NME7: variants seen among roughly 807,000 people sequenced by gnomAD.
The protein encoded by NME7 is NME/NM23 family member 7.
In NME7, 41 loss-of-function variants were observed where a neutral mutation model predicts 49.1. The observed-to-expected ratio is 0.83, with a 90% CI of 0.65 to 1.08. NME7 has a LOEUF of 1.08. Ranked by LOEUF, NME7 falls within the 50% of genes least tolerant of loss-of-function variation. The pLI is 0.00. For synonymous variants in NME7, 139 were observed against 150.6 expected (o/e 0.92, Z 0.56); for missense variants, 423 against 463.4 (o/e 0.91, Z 0.80).
intron 1 of NME7, among the ~76,000 whole-genome samples, chr1:169,346,678 C>T (rs912078395): frequency 1.3e-5 from 2 of 152,110 alleles, no homozygotes; most frequent in African/African-American, 4.8e-5. Flanking sequence ...CATATCTGCC[C>T]CAAAAGAATG....
intron 10 of NME7, among the ~76,000 whole-genome samples, chr1:169,224,385 A>G (rs1661238167): frequency 6.6e-6 from 1 of 152,166 alleles, no homozygotes; most frequent in South Asian, 2.1e-4. Flanking sequence ...CTAAAACCCC[A>G]TACTAGGTTG....
intron 11 of NME7, among the ~76,000 whole-genome samples, chr1:169,139,656 A>G (rs1172198023): frequency 6.6e-6 from 1 of 152,252 alleles, no homozygotes; most frequent in Non-Finnish European, 1.5e-5. Flanking sequence ...AATAAATATC[A>G]CTATTATTGG....
intron 1 of NME7, among the ~76,000 whole-genome samples, chr1:169,342,128 C>A (rs1161104910): frequency 6.6e-6 from 1 of 152,104 alleles, no homozygotes; most frequent in Admixed American, 6.5e-5. Flanking sequence ...CCACCCAAAT[C>A]TCATTTCGAA....
chr1:169,315,122 TGATA>T (rs1230291204), intron 3 of NME7, among the ~76,000 whole-genome samples: 1 of 152,098 alleles, frequency 6.6e-6, no homozygotes, highest in Admixed American at 6.6e-5. Context: ...CCTTGGCAAT[TGATA>T]GAATAAGCTG....
intron 1 of NME7, 81 bp from the exon 2 acceptor site, chr1:169,324,581 C>T: frequency 1.2e-6 from 1 of 833,902 alleles, no homozygotes; most frequent in Non-Finnish European, 1.9e-6. Context: ...AATGAAATTA[C>T]CAATATGCAA....
At chr1:169,223,916 C>T (rs1488373607) in intron 10 of NME7, among the ~76,000 whole-genome samples, 1 of 152,048 alleles carries the variant, frequency 6.6e-6, no homozygotes, top group African/African-American at 2.4e-5. Flanking sequence ...AATTTCAATT[C>T]GAACACAAAG....
At position 169,258,421 on chromosome 1, in the gene NME7, CACAT is replaced by C. The variant is rs1301610485; in HGVS notation, c.755-20738_755-20735del. Among the ~76,000 whole-genome samples, 7 of 102,574 alleles carry C rather than the reference CACAT, an allele frequency of 6.8e-5. 1 individual carries two copies. Among genetic ancestry groups the C allele is most frequent in the African/African-American group, 2.4e-4 (7 of 29,412 alleles). 67.3% of individuals were successfully genotyped at this position (102,574 alleles called of 152,430 possible). On this transcript the variant is annotated intron_variant, in intron 7 of 11. Coordinates refer to ENST00000367811, the MANE Select transcript of NME7 (RefSeq NM_013330.5). Reference sequence around the variant, plus strand: ...ATATATATATACACACACACACACACACATACACACACACATATATCTTCTCATT... The same window carrying C: ...ATATATATATACACACACACACACACACACACACACATATATCTTCTCATT...
intron 11 of NME7, among the ~76,000 whole-genome samples, chr1:169,143,273 CT>C (rs71299493): frequency 0.028 from 2,711 of 98,184 alleles, 60 homozygotes; most frequent in African/African-American, 0.081. Flanking sequence ...TCACCTCAGG[CT>C]TTTTTTTTTT....
chr1:169,289,484 G>A (rs1047412890), intron 6 of NME7, among the ~76,000 whole-genome samples: 2 of 152,076 alleles, frequency 1.3e-5, no homozygotes, highest in African/African-American at 4.8e-5. Context: ...TAAGTAACAA[G>A]CCCTTACAAG....
At chr1:169,216,298 G>C (rs11810319) in intron 10 of NME7, among the ~76,000 whole-genome samples, 46,734 of 152,060 alleles carry the variant, frequency 0.31, 7,768 homozygotes, top group Non-Finnish European at 0.39. Flanking sequence ...CTAACTTTTC[G>C]GGAGGGAAGA....
chr1:169,200,180 T>G (rs1214850927), intron 10 of NME7, among the ~76,000 whole-genome samples: 1 of 152,122 alleles, frequency 6.6e-6, no homozygotes, highest in Non-Finnish European at 1.5e-5. Context: ...TTATTTTATA[T>G]ATCACTATAT....
In NME7 at chr1:169,289,290, T is replaced by C. The variant is rs1571359243; in HGVS notation, c.649-1882A>G. On this transcript the variant is annotated intron_variant, in intron 6 of 11. Coordinates refer to ENST00000367811, the MANE Select transcript of NME7 (RefSeq NM_013330.5). ...AGTCTCCTTCGATGGTTTTCTCCTA[T>C]CTAGCTGACCTCTATGTGTTGGAGA... Among the ~76,000 whole-genome samples, 4 of 152,168 alleles carry C rather than the reference T, an allele frequency of 2.6e-5. No homozygotes were observed. In the East Asian group the frequency reaches 5.8e-4, roughly 22 times the overall value.
At chr1:169,232,914 T>C (rs1215412698) in intron 9 of NME7, among the ~76,000 whole-genome samples, 1 of 33,102 alleles carries the variant, frequency 3.0e-5, no homozygotes, top group Non-Finnish European at 8.2e-5. Flanking sequence ...TTTCTTTTCT[T>C]TTTTTTTTTT....
At chr1:169,327,068 A>G (rs1652085642) in intron 1 of NME7, among the ~76,000 whole-genome samples, 1 of 152,236 alleles carries the variant, frequency 6.6e-6, no homozygotes, top group African/African-American at 2.4e-5. Flanking sequence ...TTAATAACTG[A>G]GCCAAAACTG....
intron 11 of NME7, among the ~76,000 whole-genome samples, chr1:169,168,423 T>C (rs1435140282): frequency 1.6e-5 from 2 of 128,750 alleles, no homozygotes; most frequent in African/African-American, 2.6e-5. Context: ...ATTAGACTCC[T>C]TCCCCGCCTT....
At position 169,257,209 on chromosome 1, in the gene NME7, C is replaced by T. The variant is rs896571773; in HGVS notation, c.755-19522G>A. Among the ~76,000 whole-genome samples, 25 of 134,134 alleles carry T rather than the reference C, an allele frequency of 1.9e-4. 8 individuals carry two copies. Among genetic ancestry groups the T allele is most frequent in the Non-Finnish European group, 3.9e-4 (22 of 56,956 alleles). The allele number at this position is 134,134 out of a possible 152,430, so 88.0% of individuals were successfully genotyped here. On this transcript the variant is annotated intron_variant, in intron 7 of 11. Transcript: ENST00000367811. ...GATCTCAGACTGCTGTGCTGGCAAT[C>T]GGCGAGACTCCGTGGGCATAGGACC...
chr1:169,172,323 C>CGTGT (rs200830717), intron 10 of NME7, among the ~76,000 whole-genome samples: 4,301 of 127,726 alleles, frequency 0.034, 219 homozygotes, highest in African/African-American at 0.11. Context: ...CAAAAACATA[C>CGTGT]GTGTGTGTGT....
intron 1 of NME7, among the ~76,000 whole-genome samples, chr1:169,345,895 C>T (rs1055297573): frequency 5.3e-5 from 8 of 152,110 alleles, no homozygotes; most frequent in African/African-American, 1.2e-4. Flanking sequence ...ACCAGTCTTC[C>T]GCATCTTAGT....
At chr1:169,238,064 A>G (rs965690291) in intron 7 of NME7, among the ~76,000 whole-genome samples, 1 of 152,076 alleles carries the variant, frequency 6.6e-6, no homozygotes, top group Non-Finnish European at 1.5e-5. Context: ...GAATTCAAAC[A>G]AGAGTTCAAA....
Sources: allele counts gnomAD v4.1 joint callset (sites outside exome capture counted in the v4.1 genomes callset), GRCh38; gene constraint gnomAD v4.1.1; transcripts MANE v1.5; gene names NCBI Gene and HGNC (gene_info 2026-07-23, HGNC 2026-07-21).